Variants in JAZF1 observed in about 807,000 individuals in gnomAD.
JAZF1 encodes juxtaposed with another zinc finger protein 1.
A neutral mutation model predicts 26.4 loss-of-function variants in JAZF1; 8 were observed. The observed-to-expected ratio is 0.30, with a 90% confidence interval of 0.18 to 0.55. The LOEUF (loss-of-function observed/expected upper bound fraction) is 0.55, where lower values mean the gene tolerates loss of function less well. Among genes scored for constraint, JAZF1 ranks in the 20% least tolerant of loss-of-function variants. The pLI is 0.94. For missense variants in JAZF1, 199 were observed against 322.0 expected (o/e 0.62, Z 2.92); for synonymous variants, 126 against 122.3 (o/e 1.03, Z -0.20).
intron 2 of JAZF1, among the ~76,000 whole-genome samples, chr7:27,980,328 C>T (rs1275016051): frequency 6.6e-6 from 1 of 152,154 alleles, no homozygotes; most frequent in Non-Finnish European, 1.5e-5. Flanking sequence ...CAAAATCTAG[C>T]TGATGTCCAT....
chr7:28,117,411 GTAGAC>G (rs558358127), intron 1 of JAZF1, among the ~76,000 whole-genome samples: 2 of 151,966 alleles, frequency 1.3e-5, no homozygotes, highest in Non-Finnish European at 2.9e-5. Context: ...TCCAACTGAG[GTAGAC>G]TAGACATTTG....
chr7:28,010,671 T>G (rs954268526), intron 1 of JAZF1, among the ~76,000 whole-genome samples: 1 of 152,206 alleles, frequency 6.6e-6, no homozygotes, highest in East Asian at 1.9e-4. Flanking sequence ...ATTAAAAAGA[T>G]AGATTACATT....
intron 3 of JAZF1, among the ~76,000 whole-genome samples, chr7:27,880,459 C>T (rs1256818226): frequency 2.0e-5 from 3 of 152,030 alleles, no homozygotes; most frequent in Admixed American, 1.3e-4. Flanking sequence ...ATGGTGAAAC[C>T]GTGTCTCTAC....
chr7:27,878,793 G>A (rs186117740), intron 3 of JAZF1, among the ~76,000 whole-genome samples: 1 of 152,222 alleles, frequency 6.6e-6, no homozygotes, highest in East Asian at 1.9e-4. Flanking sequence ...TGGCCTCTTT[G>A]ACTATCATTT....
intron 4 of JAZF1, among the ~76,000 whole-genome samples, chr7:27,836,560 G>GGGC (rs2128330371): frequency 6.6e-6 from 1 of 152,298 alleles, no homozygotes; most frequent in South Asian, 2.1e-4. Context: ...CAATTTCCCA[G>GGGC]GGCCTGGATG....
At chr7:27,891,417 G>T (rs990516222) in intron 3 of JAZF1, among the ~76,000 whole-genome samples, 1 of 152,084 alleles carries the variant, frequency 6.6e-6, no homozygotes, top group African/African-American at 2.4e-5. Context: ...GCTGATCTAT[G>T]ATTTAAACTA....
intron 1 of JAZF1, among the ~76,000 whole-genome samples, chr7:27,994,452 A>C (rs1785971676): frequency 2.9e-5 from 1 of 34,206 alleles, no homozygotes; most frequent in Non-Finnish European, 6.5e-5. Context: ...AAAAAAAAAA[A>C]AACAAAAAAC....
chr7:28,068,217 G>GT (rs551935511), intron 1 of JAZF1, among the ~76,000 whole-genome samples: 7,306 of 124,404 alleles, frequency 0.059, 289 homozygotes, highest in East Asian at 0.12. Context: ...GCTCAGCCTA[G>GT]TTTTTTTTTT....
intron 1 of JAZF1, among the ~76,000 whole-genome samples, chr7:28,149,046 G>A (rs1783069423): frequency 6.6e-6 from 1 of 152,164 alleles, no homozygotes; most frequent in Non-Finnish European, 1.5e-5. Context: ...AAGTCAAGTA[G>A]AGCAAAAATA....
intron 3 of JAZF1, among the ~76,000 whole-genome samples, chr7:27,876,164 GTTC>G (rs1313405017): frequency 2.6e-5 from 4 of 152,238 alleles, no homozygotes; most frequent in Non-Finnish European, 5.9e-5. Context: ...TCACAGCGTT[GTTC>G]TTACTCCTTT....
chr7:27,993,305 C>G (rs1291403760), intron 1 of JAZF1, among the ~76,000 whole-genome samples: 2 of 152,134 alleles, frequency 1.3e-5, no homozygotes, highest in African/African-American at 4.8e-5. Flanking sequence ...TTTGGCACTG[C>G]AAATGAGAAC....
At chr7:27,859,398 C>T (rs1308224864) in intron 3 of JAZF1, among the ~76,000 whole-genome samples, 1 of 152,216 alleles carries the variant, frequency 6.6e-6, no homozygotes, top group Admixed American at 6.5e-5. Context: ...GATTATAAAT[C>T]ATTCTACTAT....
At chr7:27,987,602 C>T (rs867411427) in intron 2 of JAZF1, among the ~76,000 whole-genome samples, 7 of 151,708 alleles carry the variant, frequency 4.6e-5, no homozygotes, top group South Asian at 2.1e-4. Context: ...CCGCCCCGTC[C>T]GGGAGGGAGA....
intron 1 of JAZF1, among the ~76,000 whole-genome samples, chr7:28,133,523 C>T (rs1468049939): frequency 6.6e-6 from 1 of 152,194 alleles, no homozygotes; most frequent in African/African-American, 2.4e-5. Flanking sequence ...CCTTCTTTCC[C>T]TAGCAGCAAC....
At chr7:28,013,861 T>C (rs955791898) in intron 1 of JAZF1, among the ~76,000 whole-genome samples, 1 of 152,162 alleles carries the variant, frequency 6.6e-6, no homozygotes, top group African/African-American at 2.4e-5. Context: ...ATCCATCACA[T>C]GTCCACTACT....
chr7:27,901,074 G>A (rs1286956691), intron 2 of JAZF1, among the ~76,000 whole-genome samples: 2 of 150,542 alleles, frequency 1.3e-5, no homozygotes, highest in Admixed American at 1.3e-4. Flanking sequence ...AGAGAACACT[G>A]AATATTTCTT....
At chr7:27,952,539 C>T (rs1225249519) in intron 2 of JAZF1, among the ~76,000 whole-genome samples, 1 of 152,222 alleles carries the variant, frequency 6.6e-6, no homozygotes, top group Non-Finnish European at 1.5e-5. Flanking sequence ...AGTAAACCAA[C>T]AGCTGAAATA....
At chr7:28,147,071 T>C (rs993109537) in intron 1 of JAZF1, among the ~76,000 whole-genome samples, 36 of 152,210 alleles carry the variant, frequency 2.4e-4, no homozygotes, top group African/African-American at 8.7e-4. Flanking sequence ...TTTGTCAGGC[T>C]GGTTCAAACT....
chr7:27,850,878 A>G (rs1219441543), intron 3 of JAZF1, among the ~76,000 whole-genome samples: 2 of 151,948 alleles, frequency 1.3e-5, no homozygotes, highest in African/African-American at 4.8e-5. Context: ...TTACAACTAT[A>G]AATCTAACAA....
Sources: allele counts gnomAD v4.1 joint callset (sites outside exome capture counted in the v4.1 genomes callset), GRCh38; gene constraint gnomAD v4.1.1; transcripts MANE v1.5; gene names NCBI Gene and HGNC (gene_info 2026-07-23, HGNC 2026-07-21).